Variants in SNX24 observed in about 807,000 individuals in gnomAD.
The protein encoded by SNX24 is sorting nexin 24.
A neutral mutation model predicts 28.7 loss-of-function variants in SNX24; 22 were observed. That is an observed-to-expected ratio of 0.77 (90% CI 0.55 to 1.10). The LOEUF (loss-of-function observed/expected upper bound fraction) is 1.10, where lower values mean the gene tolerates loss of function less well. Among genes scored for constraint, SNX24 ranks in the 50% least tolerant of loss-of-function variants. The pLI is 0.00. For missense variants in SNX24, 221 were observed against 201.1 expected (o/e 1.10, Z -0.60); for synonymous variants, 69 against 71.5 (o/e 0.96, Z 0.18).
chr5:122,956,723 C>T (rs1277812453), intron 3 of SNX24, among the ~76,000 whole-genome samples: 1 of 152,074 alleles, frequency 6.6e-6, no homozygotes, highest in Non-Finnish European at 1.5e-5. Flanking sequence ...TTATATTAGT[C>T]GTACTGATGG....
intron 2 of SNX24, among the ~76,000 whole-genome samples, chr5:122,943,918 A>G (rs1012378954): frequency 2.6e-5 from 4 of 152,082 alleles, no homozygotes; most frequent in African/African-American, 9.7e-5. Context: ...CTAATTACCT[A>G]TATATTCTGA....
intron 1 of SNX24, among the ~76,000 whole-genome samples, chr5:122,847,885 T>C (rs528615274): frequency 9.9e-5 from 15 of 152,262 alleles, no homozygotes; most frequent in Non-Finnish European, 1.6e-4. Flanking sequence ...GGTTTTATGA[T>C]TGTACAGCGG....
chr5:122,849,894 A>G (rs1290076005), intron 1 of SNX24, among the ~76,000 whole-genome samples: 1 of 152,176 alleles, frequency 6.6e-6, no homozygotes, highest in African/African-American at 2.4e-5. Flanking sequence ...AGAAACCAGA[A>G]GAGCAGTGAT....
intron 1 of SNX24, among the ~76,000 whole-genome samples, chr5:122,902,064 G>A (rs1288500061): frequency 6.6e-6 from 1 of 152,136 alleles, no homozygotes. Flanking sequence ...CTTCATCTGG[G>A]CATTCAGCTC....
intron 3 of SNX24, among the ~76,000 whole-genome samples, chr5:122,962,755 T>C (rs1437094702): frequency 6.6e-6 from 1 of 152,230 alleles, no homozygotes; most frequent in Non-Finnish European, 1.5e-5. Context: ...CTCTAGTGGA[T>C]TGTGGCCCCA....
chr5:122,965,801 A>G (rs938354638), intron 3 of SNX24, among the ~76,000 whole-genome samples: 139 of 152,268 alleles, frequency 9.1e-4, no homozygotes, highest in Non-Finnish European at 1.8e-4. Flanking sequence ...TAGAGTACAA[A>G]GTGAACTAAA....
At chr5:122,892,128 G>C (rs962493417) in intron 1 of SNX24, among the ~76,000 whole-genome samples, 2 of 152,130 alleles carry the variant, frequency 1.3e-5, no homozygotes, top group Non-Finnish European at 2.9e-5. Flanking sequence ...TATTCATTCA[G>C]ATTCACCAGT....
intron 3 of SNX24, among the ~76,000 whole-genome samples, chr5:122,962,276 T>C (rs1266826525): frequency 6.6e-6 from 1 of 152,216 alleles, no homozygotes; most frequent in African/African-American, 2.4e-5. Context: ...TCTTTTCATA[T>C]TTTTAAGGCT....
downstream of SNX24, among the ~76,000 whole-genome samples, chr5:123,013,259 G>A (rs1581865980): frequency 6.6e-6 from 1 of 152,228 alleles, no homozygotes; most frequent in South Asian, 2.1e-4. Context: ...AAAGAATACA[G>A]ATGTAATCCT....
intron 1 of SNX24, among the ~76,000 whole-genome samples, chr5:122,896,821 G>A (rs746347257): frequency 1.3e-5 from 2 of 152,188 alleles, no homozygotes; most frequent in African/African-American, 2.4e-5. Context: ...GTTAGTTTAT[G>A]TGATTTTTAA....
intron 1 of SNX24, among the ~76,000 whole-genome samples, chr5:122,847,087 G>C (rs1406193403): frequency 2.6e-5 from 4 of 151,690 alleles, no homozygotes; most frequent in Non-Finnish European, 4.4e-5. Context: ...TACCATCTTT[G>C]GGACATTCAT....
intron 1 of SNX24, among the ~76,000 whole-genome samples, chr5:122,899,130 C>T (rs1021058765): frequency 4.6e-5 from 7 of 152,214 alleles, no homozygotes; most frequent in African/African-American, 1.7e-4. Flanking sequence ...CTGTGCCCCA[C>T]CTGAAGAACA....
intron 3 of SNX24, among the ~76,000 whole-genome samples, chr5:122,964,275 A>G (rs7449287): frequency 6.6e-6 from 1 of 150,674 alleles, no homozygotes; most frequent in Non-Finnish European, 1.5e-5. Flanking sequence ...AAAAAAAAGA[A>G]CAATAGTTCT....
rs192259242 is a variant in SNX24 at position 123,009,186 on chromosome 5, A to G, written c.*1437A>G. 6.6e-3 allele frequency: 6,490 copies of G among 984,878 alleles called. 27 individuals are homozygous for G. Among genetic ancestry groups the G allele is most frequent in the Non-Finnish European group, 7.3e-3 (6,018 of 829,118 alleles). The allele number at this position is 984,878 out of a possible 1,614,324, so 61.0% of individuals were successfully genotyped here. A position where few individuals can be genotyped will look rare whatever the true frequency, so the allele number is the denominator to read the frequency against. ...TATGTTATTAGCTATTTGGAGTTAA[A>G]TAAAAACAGAACAAGGAAACATTTG... On this transcript the variant is annotated 3_prime_UTR_variant, in exon 7 of 7. Transcript: ENST00000261369.
intron 1 of SNX24, among the ~76,000 whole-genome samples, chr5:122,928,499 T>A (rs1758804087): frequency 6.6e-6 from 1 of 151,954 alleles, no homozygotes; most frequent in African/African-American, 2.4e-5. Flanking sequence ...AAGAGTAGGT[T>A]AGAGAAATAT....
chr5:122,915,062 T>G (rs940119029), intron 1 of SNX24, among the ~76,000 whole-genome samples: 1 of 152,182 alleles, frequency 6.6e-6, no homozygotes, highest in South Asian at 2.1e-4. Context: ...TTCAGGGTTT[T>G]TTTAGACTTT....
At chr5:122,943,278 T>C (rs977536967) in intron 2 of SNX24, among the ~76,000 whole-genome samples, 1 of 152,162 alleles carries the variant, frequency 6.6e-6, no homozygotes, top group Non-Finnish European at 1.5e-5. Flanking sequence ...AAAGCCTGCC[T>C]TCAGCCCCAT....
At chr5:122,995,428 T>A (rs565669825) in intron 3 of SNX24, among the ~76,000 whole-genome samples, 3 of 152,338 alleles carry the variant, frequency 2.0e-5, no homozygotes, top group African/African-American at 7.2e-5. Flanking sequence ...TTTTCATTGC[T>A]TGCCTCTAGC....
chr5:122,925,357 T>C (rs1758650071), intron 1 of SNX24, among the ~76,000 whole-genome samples: 1 of 149,458 alleles, frequency 6.7e-6, no homozygotes, highest in Non-Finnish European at 1.5e-5. Context: ...CCCCCTGGGC[T>C]CTAGCTCCCT....
Sources: gnomAD v4.1 joint callset for allele counts (sites outside exome capture counted in the v4.1 genomes callset) on GRCh38, gnomAD v4.1.1 for gene constraint, MANE v1.5 for transcripts, NCBI Gene and HGNC (gene_info 2026-07-23, HGNC 2026-07-21) for gene names.